PRKG1: variants seen among roughly 807,000 people sequenced by gnomAD.
PRKG1 encodes the protein cGMP-dependent protein kinase 1.
PRKG1 carries 35 observed loss-of-function variants against 88.1 expected under a neutral mutation model. The ratio of observed to expected loss-of-function variants is 0.40; its 90% CI spans 0.30 to 0.53. The LOEUF (loss-of-function observed/expected upper bound fraction) is 0.53. Ranked by LOEUF, PRKG1 falls within the 20% of genes least tolerant of loss-of-function variation. PRKG1 has a pLI of 0.59. For synonymous variants in PRKG1, 303 were observed against 292.5 expected, an observed-to-expected ratio of 1.04 and a Z score of -0.37; for missense variants, 540 against 839.8, an observed-to-expected ratio of 0.64 and a Z score of 4.41.
At chr10:51,645,645 G>A (rs1269223820) in intron 3 of PRKG1, among the ~76,000 whole-genome samples, 1 of 152,020 alleles carries the variant, frequency 6.6e-6, no homozygotes, top group African/African-American at 2.4e-5. Flanking sequence ...GATGAGCATT[G>A]CAATATAAAA....
intron 3 of PRKG1, among the ~76,000 whole-genome samples, chr10:51,626,684 A>G (rs1321190201): frequency 6.6e-6 from 1 of 152,020 alleles, no homozygotes; most frequent in Non-Finnish European, 1.5e-5. Flanking sequence ...TTTTTCTGCA[A>G]TTTCTTCATT....
At chr10:51,811,078 A>G (rs1839444532) in intron 4 of PRKG1, among the ~76,000 whole-genome samples, 1 of 152,160 alleles carries the variant, frequency 6.6e-6, no homozygotes, top group Admixed American at 6.5e-5. Flanking sequence ...CATACCCAGT[A>G]AAAAACAGAG....
At chr10:51,898,559 G>A (rs1052182110) in intron 4 of PRKG1, among the ~76,000 whole-genome samples, 1 of 151,970 alleles carries the variant, frequency 6.6e-6, no homozygotes, top group Non-Finnish European at 1.5e-5. Context: ...TTTTGGCCAG[G>A]CACAGTGGCT....
chr10:51,527,452 G>A (rs1429955210), intron 3 of PRKG1, among the ~76,000 whole-genome samples: 1 of 152,086 alleles, frequency 6.6e-6, no homozygotes, highest in African/African-American at 2.4e-5. Context: ...CAGTGGAAAT[G>A]AGCTGAGCTG....
chr10:51,164,443 G>T (rs1846469455), intron 2 of PRKG1, among the ~76,000 whole-genome samples: 1 of 152,088 alleles, frequency 6.6e-6, no homozygotes, highest in African/African-American at 2.4e-5. Context: ...CCACAAAGAT[G>T]GGGAAAAAAC....
intron 3 of PRKG1, among the ~76,000 whole-genome samples, chr10:51,565,233 C>T (rs12357264): frequency 0.36 from 55,001 of 151,890 alleles, 10,666 homozygotes; most frequent in Non-Finnish European, 0.45. Context: ...AAAGGATTCA[C>T]TCTCCAAAAG....
chr10:51,516,470 C>T (rs1450395626), intron 3 of PRKG1, among the ~76,000 whole-genome samples: 1 of 152,022 alleles, frequency 6.6e-6, no homozygotes, highest in African/African-American at 2.4e-5. Flanking sequence ...AGAGAGCAGG[C>T]ACACAGGGAT....
intron 2 of PRKG1, chr10:51,245,933 T>C (rs1239065565): frequency 6.6e-6 from 1 of 152,130 alleles, no homozygotes; most frequent in Non-Finnish European, 1.5e-5. Flanking sequence ...CTAGGAGTTA[T>C]ACTTAGATAA....
chr10:52,145,215 AT>A (rs1183365711), intron 8 of PRKG1, among the ~76,000 whole-genome samples: 3 of 152,164 alleles, frequency 2.0e-5, no homozygotes, highest in Non-Finnish European at 4.4e-5. Context: ...AATTACAGTT[AT>A]TGTTTTGTTT....
intron 3 of PRKG1, among the ~76,000 whole-genome samples, chr10:51,583,581 A>C (rs747232921): frequency 6.6e-6 from 1 of 152,142 alleles, no homozygotes; most frequent in African/African-American, 2.4e-5. Flanking sequence ...ACACTTCAGC[A>C]TTCTATCTAG....
chr10:51,707,891 C>G (rs907675558), intron 3 of PRKG1, among the ~76,000 whole-genome samples: 8 of 152,178 alleles, frequency 5.3e-5, no homozygotes, highest in Non-Finnish European at 1.2e-4. Context: ...TACCTTCTAA[C>G]TCTGGATTCT....
intron 3 of PRKG1, among the ~76,000 whole-genome samples, chr10:51,636,091 T>C (rs1057378606): frequency 2.0e-5 from 3 of 152,158 alleles, no homozygotes; most frequent in African/African-American, 7.2e-5. Context: ...GGTGGCTTGG[T>C]CTTATTTTTA....
chr10:51,902,749 C>T lies in PRKG1; in HGVS notation c.699-4758C>T, dbSNP rs185550239. ...CTACTACCTTAAAAATTATAGAAGACCCAAGAACAAACAAGCATGCATCCC... is the reference window on the plus strand; with the variant it reads ...CTACTACCTTAAAAATTATAGAAGATCCAAGAACAAACAAGCATGCATCCC... On this transcript the variant is annotated intron_variant, in intron 4 of 17. Coordinates refer to ENST00000373980, the MANE Select transcript of PRKG1 (RefSeq NM_006258.4). Among the ~76,000 whole-genome samples, 17 of 152,152 alleles carry T rather than the reference C, an allele frequency of 1.1e-4. No individual in the cohort carries two copies. The South Asian group carries it at 1.2e-3, about 11-fold the overall frequency.
chr10:51,886,851 A>G (rs1050704383), intron 4 of PRKG1, among the ~76,000 whole-genome samples: 3 of 152,228 alleles, frequency 2.0e-5, no homozygotes, highest in Non-Finnish European at 4.4e-5. Flanking sequence ...TTGGTCCTGC[A>G]GTGCTCACCT....
intron 5 of PRKG1, among the ~76,000 whole-genome samples, chr10:51,985,978 T>C (rs1000260685): frequency 6.6e-6 from 1 of 152,192 alleles, no homozygotes; most frequent in Non-Finnish European, 1.5e-5. Context: ...AACATTAGTT[T>C]ATAGTTAGGC....
chr10:51,197,426 C>T (rs996714062), intron 2 of PRKG1, among the ~76,000 whole-genome samples: 5 of 151,908 alleles, frequency 3.3e-5, no homozygotes, highest in Non-Finnish European at 7.4e-5. Flanking sequence ...TGCCTGACAC[C>T]AAGCCCAGCT....
chr10:52,002,841 T>A (rs1340147843), intron 5 of PRKG1, among the ~76,000 whole-genome samples: 1 of 152,222 alleles, frequency 6.6e-6, no homozygotes, highest in Non-Finnish European at 1.5e-5. Flanking sequence ...ATGGTTACAG[T>A]TGGAGGCATT....
intron 1 of PRKG1, among the ~76,000 whole-genome samples, chr10:51,116,606 G>C (rs762125183): frequency 2.7e-4 from 41 of 152,326 alleles, no homozygotes; most frequent in Non-Finnish European, 4.9e-4. Flanking sequence ...GTGTCTGCAG[G>C]AATTCTTACA....
In PRKG1 at chr10:51,944,210, C is replaced by A. The variant is rs1230486272; in HGVS notation, c.762+36640C>A. On this transcript the variant is annotated intron_variant, in intron 5 of 17. Coordinates refer to ENST00000373980, the MANE Select transcript of PRKG1 (RefSeq NM_006258.4). ...GGGTGTAGGTGTTGAGGAATTTATC[C>A]ATTTCTTCTAGATTTTCTAGTTTAT... 2.6e-5 allele frequency among the ~76,000 whole-genome samples: 4 copies of A among 152,096 alleles called. 1 individual carries two copies. The highest frequency in any genetic ancestry group is 3.9e-4 in the East Asian group (2 of 5,184).
Sources: allele counts gnomAD v4.1 joint callset (sites outside exome capture counted in the v4.1 genomes callset), GRCh38; gene constraint gnomAD v4.1.1; transcripts MANE v1.5; gene names NCBI Gene and HGNC (gene_info 2026-07-23, HGNC 2026-07-21).